The following CAMTA1 variants were observed in gnomAD, a reference collection of about 807,000 sequenced individuals.
The protein encoded by CAMTA1 is calmodulin-binding transcription activator 1.
In CAMTA1, 27 loss-of-function variants were observed where a neutral mutation model predicts 170.9. The observed-to-expected ratio is 0.16, with a 90% CI of 0.12 to 0.22. The LOEUF (loss-of-function observed/expected upper bound fraction) is 0.22, where lower values mean the gene tolerates loss of function less well. Ranked by LOEUF, CAMTA1 falls within the 10% of genes least tolerant of loss-of-function variation. The pLI, the probability that CAMTA1 is intolerant of heterozygous loss-of-function variation, is 1.00. For synonymous variants in CAMTA1, 833 were observed against 891.5 expected (o/e 0.93, Z 1.17); for missense variants, 1,619 against 2,217.2 (o/e 0.73, Z 5.42).
At chr1:7,541,795 T>G (rs2094614414) in intron 6 of CAMTA1, among the ~76,000 whole-genome samples, 1 of 152,164 alleles carries the variant, frequency 6.6e-6, no homozygotes, top group Non-Finnish European at 1.5e-5. Context: ...GGGGTTCTGG[T>G]GAACTCAAGA....
At chr1:7,349,160 G>A (rs1191211505) in intron 5 of CAMTA1, among the ~76,000 whole-genome samples, 2 of 152,270 alleles carry the variant, frequency 1.3e-5, no homozygotes, top group Non-Finnish European at 2.9e-5. Flanking sequence ...GCATGTTAAC[G>A]ACAGCACAGA....
At chr1:7,427,653 G>A (rs1016249681) in intron 5 of CAMTA1, among the ~76,000 whole-genome samples, 5 of 152,170 alleles carry the variant, frequency 3.3e-5, no homozygotes, top group African/African-American at 9.7e-5. Context: ...ATCCTGAGTG[G>A]CTTGGCTTCA....
intron 4 of CAMTA1, among the ~76,000 whole-genome samples, chr1:7,145,144 C>T (rs921821138): frequency 6.6e-6 from 1 of 152,188 alleles, no homozygotes; most frequent in Non-Finnish European, 1.5e-5. Flanking sequence ...CTTCTCAAAG[C>T]CATCATGGAT....
At chr1:7,033,972 G>A (rs1021075594) in intron 3 of CAMTA1, among the ~76,000 whole-genome samples, 2 of 151,962 alleles carry the variant, frequency 1.3e-5, no homozygotes, top group Non-Finnish European at 2.9e-5. Context: ...TTCACATTTC[G>A]CTTTTATGCT....
intron 19 of CAMTA1, among the ~76,000 whole-genome samples, chr1:7,749,207 A>G (rs2096878055): frequency 6.6e-6 from 1 of 152,220 alleles, no homozygotes; most frequent in Non-Finnish European, 1.5e-5. Flanking sequence ...ATGGTCACAT[A>G]GAAATTAGGG....
chr1:7,310,595 T>C (rs1196091908), intron 5 of CAMTA1, among the ~76,000 whole-genome samples: 1 of 84,464 alleles, frequency 1.2e-5, no homozygotes, highest in Non-Finnish European at 2.2e-5. Context: ...TTTTCTTTTC[T>C]TTTCTTTTCT....
chr1:6,795,213 G>A (rs1437666495), intron 1 of CAMTA1, among the ~76,000 whole-genome samples: 1 of 152,046 alleles, frequency 6.6e-6, no homozygotes, highest in Non-Finnish European at 1.5e-5. Context: ...TAGAGACAGG[G>A]TCTCGCTCTG....
At chr1:6,973,825 C>G (rs12127887) in intron 3 of CAMTA1, among the ~76,000 whole-genome samples, 53,595 of 152,034 alleles carry the variant, frequency 0.35, 9,641 homozygotes, top group East Asian at 0.58. Context: ...AGTATCGCCT[C>G]ATCTCCCTTC....
At chr1:7,697,236 G>A (rs1354225406) in intron 11 of CAMTA1, among the ~76,000 whole-genome samples, 1 of 151,986 alleles carries the variant, frequency 6.6e-6, no homozygotes, top group Admixed American at 6.6e-5. Flanking sequence ...GTGATTTCCG[G>A]GTTCTATCCC....
rs993872143 is a variant in CAMTA1 at position 7,443,071 on chromosome 1, C to A, written c.439-24759C>A. ...CCTGCGCAGATCCTCCTCCTGACTT[C>A]TTGGCCTCATTCACTCCAACAGAAC... is the stretch of plus-strand genomic sequence containing the variant. On this transcript the variant is annotated intron_variant, in intron 5 of 22. Coordinates refer to ENST00000303635, the MANE Select transcript of CAMTA1 (RefSeq NM_015215.4). The surrounding 1 kb of genome is among the most constrained non-coding windows in gnomAD (Gnocchi z 4.1). Among the ~76,000 whole-genome samples the A allele has an allele frequency of 6.6e-6, 1 of 151,694 alleles. No homozygotes were observed. The highest frequency in any genetic ancestry group is 1.5e-5 in the Non-Finnish European group (1 of 67,722).
intron 3 of CAMTA1, among the ~76,000 whole-genome samples, chr1:6,940,176 T>C (rs1278666297): frequency 6.6e-6 from 1 of 152,238 alleles, no homozygotes; most frequent in Non-Finnish European, 1.5e-5. Context: ...ATGATATTTA[T>C]GTGAGATTTA....
chr1:7,466,816 C>G (rs1184541579), intron 5 of CAMTA1, among the ~76,000 whole-genome samples: 2 of 152,168 alleles, frequency 1.3e-5, no homozygotes, highest in East Asian at 1.9e-4. Flanking sequence ...TTGCCCCTGG[C>G]TTTGGTGGGG....
chr1:7,291,485 T>C (rs562278496), intron 5 of CAMTA1, among the ~76,000 whole-genome samples: 4 of 152,332 alleles, frequency 2.6e-5, no homozygotes, highest in South Asian at 2.1e-4. Context: ...CTGTTCCCAG[T>C]TGGCTGAGCT....
At chr1:7,233,878 G>A (rs1332150139) in intron 4 of CAMTA1, among the ~76,000 whole-genome samples, 1 of 152,150 alleles carries the variant, frequency 6.6e-6, no homozygotes, top group African/African-American at 2.4e-5. Flanking sequence ...AGGGGCCGGG[G>A]AGGTGGGGGT....
intron 3 of CAMTA1, among the ~76,000 whole-genome samples, chr1:7,047,209 T>C (rs538991221): frequency 6.6e-6 from 1 of 152,282 alleles, no homozygotes; most frequent in Admixed American, 6.5e-5. Flanking sequence ...ACAAGTGGCT[T>C]TTTGTTGAAG....
chr1:7,286,330 C>T lies in CAMTA1; in HGVS notation c.438+36704C>T, dbSNP rs1574442658. Among the ~76,000 whole-genome samples, 1 of 152,186 alleles carries T rather than the reference C, an allele frequency of 6.6e-6. No individual in the cohort carries two copies. Among genetic ancestry groups the T allele is most frequent in the Admixed American group, 6.5e-5 (1 of 15,280 alleles). On this transcript the variant is annotated intron_variant, in intron 5 of 22. Coordinates refer to ENST00000303635, the MANE Select transcript of CAMTA1 (RefSeq NM_015215.4). The surrounding 1 kb of genome is among the most constrained non-coding windows in gnomAD (Gnocchi z 4.2). ...CGTGCTTTTAGAGCTGCCCCAGCAA[C>T]GATTCTTGATTTGAGGTCTATGGGT...
rs749169761 is a variant in CAMTA1, at chr1:6,854,312, G to A, written c.234+29102G>A. ...CTTGCAATATTCAGTACAATAATAC[G>A]CAGATTCATAGCCCAGGGGCAATAG... On this transcript the variant is annotated intron_variant, in intron 3 of 22. Transcript: ENST00000303635. Among the ~76,000 whole-genome samples, 39 of 152,242 alleles carry A rather than the reference G, an allele frequency of 2.6e-4. No homozygotes were observed. In the Middle Eastern group the frequency reaches 0.01, roughly 40 times the overall value.
chr1:7,645,253 A>G (rs2095794962), intron 7 of CAMTA1, among the ~76,000 whole-genome samples: 1 of 152,212 alleles, frequency 6.6e-6, no homozygotes, highest in South Asian at 2.1e-4. Context: ...GCTCAGAGCC[A>G]CAGTGGTTCT....
At chr1:6,926,472 CTTTCTTTCTT>C (rs1412349249) in intron 3 of CAMTA1, among the ~76,000 whole-genome samples, 3 of 137,998 alleles carry the variant, frequency 2.2e-5, no homozygotes, top group Non-Finnish European at 3.1e-5. Flanking sequence ...TTCTTTCTTT[CTTTCTTTCTT>C]TCTTTCTCTC....
Sources: allele counts gnomAD v4.1 joint callset (sites outside exome capture counted in the v4.1 genomes callset), GRCh38; gene constraint gnomAD v4.1.1; non-coding constraint Gnocchi (gnomAD v3.1); transcripts MANE v1.5; gene names NCBI Gene and HGNC (gene_info 2026-07-23, HGNC 2026-07-21).